The following MED24 variants were observed in gnomAD, a reference collection of about 807,000 sequenced individuals.
MED24 encodes the protein mediator complex subunit 24.
A neutral mutation model predicts 118.8 loss-of-function variants in MED24; 74 were observed. That is an observed-to-expected ratio of 0.62 (90% CI 0.52 to 0.76). MED24 has a LOEUF of 0.76. Ranked by LOEUF, MED24 falls within the 30% of genes least tolerant of loss-of-function variation. The pLI is 0.00. For synonymous variants in MED24, 521 were observed against 523.9 expected (o/e 0.99, Z 0.08); for missense variants, 1,041 against 1,278.9 (o/e 0.81, Z 2.84).
In MED24 at chr17:40,023,264, G is replaced by A. The variant is rs1259544555; in HGVS notation, c.2117C>T (p.Pro706Leu). Reference protein sequence around the residue: ...PYWNLLPPKRPIKEVLTDIFA... With the variant: ...PYWNLLPPKRLIKEVLTDIFA... ...AATGTCCGTCAGCACCTCTTTGATG[G>A]GCCGCTTGGGGGGCAGCAGGTTCCA... Residue 706 changes from proline (P) to leucine (L), a missense_variant, in exon 20 of 26, where the codon CCC becomes CTC. Physicochemically the swap from Pro to Leu is moderately conservative, Grantham distance 98. This residue lies in a region of MED24 where 587 missense variants were observed against 694.4 expected (regional missense o/e 0.85). Transcript: ENST00000394128. 2 of 1,614,056 alleles carry A rather than the reference G, an allele frequency of 1.2e-6. No individual in the cohort carries two copies. The highest frequency in any genetic ancestry group is 2.7e-5 in the African/African-American group (2 of 74,926).
At chr17:40,037,919 A>G (rs1158185327) in intron 3 of MED24, among the ~76,000 whole-genome samples, 1 of 152,072 alleles carries the variant, frequency 6.6e-6, no homozygotes, top group Non-Finnish European at 1.5e-5. Flanking sequence ...TCAAAAAAAA[A>G]AAAAAAGAAA....
rs1983571227 is a variant in MED24 at position 40,033,117 on chromosome 17, A to C, written c.761T>G (p.Met254Arg). 6.2e-7 allele frequency: 1 copy of C among 1,614,134 alleles called. No individual in the cohort carries two copies. The highest frequency in any genetic ancestry group is 8.5e-7 in the Non-Finnish European group (1 of 1,180,032). The change falls in exon 8 of 26, where the codon ATG becomes AGG. Residue 254 changes from methionine (M) to arginine (R), a missense_variant. Coordinates refer to ENST00000394128, the MANE Select transcript of MED24 (RefSeq NM_014815.4). The surrounding 1 kb of genome is among the most constrained non-coding windows in gnomAD (Gnocchi z 5.2). ...VHAVILLEGT[M>R]NLTGETQSLV... ...GGACTGCGTCTCGCCTGTCAGGTTC[A>C]TGGTGCCCTCGAGCAGGATCACGGC...
Position 40,053,629 on chromosome 17 carries a change from C to T in MED24, c.-31G>A. ...CACTCTGAGCAGGTGGCAGCGGTGGCGGCCAGCTTTGAGGTGAAAGAAATG... is the reference window on the plus strand; with the variant it reads ...CACTCTGAGCAGGTGGCAGCGGTGGTGGCCAGCTTTGAGGTGAAAGAAATG... On this transcript the variant is annotated 5_prime_UTR_variant, in exon 2 of 26. Transcript: ENST00000394128. 3.7e-6 allele frequency: 6 copies of T among 1,613,742 alleles called. No homozygotes were observed. The highest frequency in any genetic ancestry group is 1.1e-5 in the South Asian group (1 of 91,078).
Position 40,026,931 on chromosome 17 carries a change from G to C in MED24, c.1634C>G (p.Pro545Arg). 6.2e-7 allele frequency: 1 copy of C among 1,614,202 alleles called. No individual in the cohort carries two copies. The highest frequency in any genetic ancestry group is 1.1e-5 in the South Asian group (1 of 91,090). Reference protein sequence around the residue: ...EEGKILNPDHPCFRPDSTKVE... With the variant: ...EEGKILNPDHRCFRPDSTKVE... ...TTTGGTGGAGTCGGGGCGGAAGCAG[G>C]GGTGGTCAGGGTTCAGGATCTTGCC... is the stretch of plus-strand genomic sequence containing the variant. The change falls in exon 17 of 26, where the codon CCC (proline) becomes CGC (arginine). Residue 545 changes from proline (P) to arginine (R), a missense_variant. Pro to Arg is a moderately radical substitution (Grantham distance 103). Transcript: ENST00000394128.
chr17:40,023,409 G>A lies in MED24; in HGVS notation c.1986-14C>T, dbSNP rs775569702. ...ATGATCACCACCCTGGGGGAGGGCC[G>A]AGAGAACCTGAGGCTCAGGTGCCAC... On this transcript the variant is annotated splice_polypyrimidine_tract_variant and intron_variant, in intron 19 of 25. Coordinates refer to ENST00000394128, the MANE Select transcript of MED24 (RefSeq NM_014815.4). The A allele has an allele frequency of 8.3e-6, 13 of 1,568,916 alleles. No individual in the cohort carries two copies. The highest frequency in any genetic ancestry group is 1.7e-4 in the Middle Eastern group (1 of 5,830).
In MED24 at chr17:40,021,928, C is replaced by A. The variant is rs200611553; in HGVS notation, c.2623+27G>T. 1.1e-3 allele frequency: 1,702 copies of A among 1,487,972 alleles called. 1 individual carries two copies. Among genetic ancestry groups the A allele is most frequent in the Non-Finnish European group, 1.5e-3 (1,636 of 1,095,964 alleles). The allele number at this position is 1,487,972 out of a possible 1,614,324, so 92.2% of individuals were successfully genotyped here. ...GGGAGTGAATTCCCAGGAAAAGGAG[C>A]GGCGCGCGGCCAGCCCACACACTCA... On this transcript the variant is annotated intron_variant, in intron 23 of 25. Transcript: ENST00000394128.
Position 40,032,841 on chromosome 17 carries a change from G to A in MED24, c.823-79C>T. On this transcript the variant is annotated intron_variant, in intron 8 of 25. Coordinates refer to ENST00000394128, the MANE Select transcript of MED24 (RefSeq NM_014815.4). ...TTCTGTGGACTCTGAGGATTTGGCT[G>A]GGTCAGAGACTGCATGGCAGAGTCA... 2.1e-6 allele frequency: 3 copies of A among 1,428,224 alleles called. No homozygotes were observed. The Admixed American group carries it at 5.4e-5, about 25-fold the overall frequency. 88.5% of individuals were successfully genotyped at this position (1,428,224 alleles called of 1,614,324 possible).
intron 3 of MED24, among the ~76,000 whole-genome samples, chr17:40,045,527 G>A (rs1361613250): frequency 2.6e-5 from 4 of 151,564 alleles, no homozygotes; most frequent in East Asian, 1.9e-4. Context: ...CATGGCTCAC[G>A]CCTATAATCC....
chr17:40,029,731 G>A lies in MED24; in HGVS notation c.1266+17C>T. ...AAGAAAGAGAAGACTGTGGTGGCCA[G>A]GGAAGGGCACACTCACCTTGAGGAT... is the stretch of plus-strand genomic sequence containing the variant. On this transcript the variant is annotated intron_variant, in intron 13 of 25. Transcript: ENST00000394128. 5 of 1,608,080 alleles carry A rather than the reference G, an allele frequency of 3.1e-6. No individual in the cohort carries two copies. The highest frequency in any genetic ancestry group is 2.2e-5 in the East Asian group (1 of 44,842).
Position 40,053,789 on chromosome 17 carries a change from C to T in MED24, c.-37-154G>A. On this transcript the variant is annotated intron_variant, in intron 1 of 25. Coordinates refer to ENST00000394128, the MANE Select transcript of MED24 (RefSeq NM_014815.4). ...AAGAGCTAAAGGGATAAAGTAAGATCCTGTCAGACTCTCTCCTCCTGAACC... is the reference window on the plus strand; with the variant it reads ...AAGAGCTAAAGGGATAAAGTAAGATTCTGTCAGACTCTCTCCTCCTGAACC... 3.0e-6 allele frequency: 3 copies of T among 1,000,264 alleles called. No homozygotes were observed. The South Asian group carries it at 4.7e-5, about 16-fold the overall frequency. 62.0% of individuals were successfully genotyped at this position (1,000,264 alleles called of 1,614,324 possible). A position where few individuals can be genotyped will look rare whatever the true frequency, so the allele number is the denominator to read the frequency against.
chr17:40,047,501 A>C (rs986656690), intron 3 of MED24, among the ~76,000 whole-genome samples: 2 of 151,792 alleles, frequency 1.3e-5, no homozygotes, highest in Non-Finnish European at 1.5e-5. Flanking sequence ...CTCTACTAAA[A>C]ATACAAAAAA....
At chr17:40,046,335 C>T (rs1156907318) in intron 3 of MED24, among the ~76,000 whole-genome samples, 2 of 2,000 alleles carry the variant, frequency 1.0e-3, no homozygotes, top group Non-Finnish European at 1.6e-3. Flanking sequence ...CCGCCCGCCT[C>T]GGCCTCCCAA....
chr17:40,046,351 C>G, intron 3 of MED24, among the ~76,000 whole-genome samples: 1 of 146 alleles, frequency 6.8e-3, no homozygotes, highest in African/African-American at 0.028. Flanking sequence ...CCCAAAGTTC[C>G]TGGGATTACA....
In MED24 at chr17:40,033,595, G is replaced by A; in HGVS notation, c.560-139C>T. 1.4e-6 allele frequency: 1 copy of A among 735,968 alleles called. No homozygotes were observed. The highest frequency in any genetic ancestry group is 2.4e-6 in the Non-Finnish European group (1 of 416,038). 45.6% of individuals were successfully genotyped at this position (735,968 alleles called of 1,614,324 possible). A position where few individuals can be genotyped will look rare whatever the true frequency, so the allele number is the denominator to read the frequency against. ...GCTTCCCCTGAGGACAACAGGGAGG[G>A]AGGGGCCTGAGGGCAGCATGCACTG... On this transcript the variant is annotated intron_variant, in intron 6 of 25. Coordinates refer to ENST00000394128, the MANE Select transcript of MED24 (RefSeq NM_014815.4). The surrounding 1 kb of genome is among the most constrained non-coding windows in gnomAD (Gnocchi z 5.2).
chr17:40,034,933 C>T (rs762057872), intron 6 of MED24, 184 bp downstream of exon 6: 7 of 1,546,530 alleles, frequency 4.5e-6, no homozygotes, highest in Admixed American at 2.0e-5. Context: ...TTGATTGGCT[C>T]GGGTGCCACC....
chr17:40,027,062 C>A, intron 16 of MED24, 28 bp from the exon 17 acceptor site: 1 of 1,611,648 alleles, frequency 6.2e-7, no homozygotes, highest in Non-Finnish European at 8.5e-7. Context: ...GGGCACCAGC[C>A]GAGTGGGGAG....
chr17:40,025,662 G>A (rs888372258), intron 19 of MED24, among the ~76,000 whole-genome samples: 2 of 152,194 alleles, frequency 1.3e-5, no homozygotes, highest in Non-Finnish European at 2.9e-5. Flanking sequence ...ACATGGCTAA[G>A]ATGGCAAATC....
Position 40,033,616 on chromosome 17 carries a change from C to T in MED24, c.560-160G>A. ...GAGGGAGGGGCCTGAGGGCAGCATGCACTGTTTCCAGAAGGGGGGTGGGCA... is the reference window on the plus strand; with the variant it reads ...GAGGGAGGGGCCTGAGGGCAGCATGTACTGTTTCCAGAAGGGGGGTGGGCA... On this transcript the variant is annotated intron_variant, in intron 6 of 25. Transcript: ENST00000394128. This position sits in a 1 kb window ranked among gnomAD's most constrained non-coding sequence, Gnocchi z 5.2. 1.4e-6 allele frequency: 1 copy of T among 713,766 alleles called. No homozygotes were observed. Among genetic ancestry groups the T allele is most frequent in the Non-Finnish European group, 2.5e-6 (1 of 396,810 alleles). The allele number at this position is 713,766 out of a possible 1,614,324, so 44.2% of individuals were successfully genotyped here.
chr17:40,042,979 TCTCA>T (rs1361974735), intron 3 of MED24, among the ~76,000 whole-genome samples: 1 of 152,250 alleles, frequency 6.6e-6, no homozygotes, highest in East Asian at 1.9e-4. Flanking sequence ...TGAGATAGGA[TCTCA>T]CTCTGTCACA....
Sources: allele counts gnomAD v4.1 joint callset (sites outside exome capture counted in the v4.1 genomes callset), GRCh38; gene constraint gnomAD v4.1.1; regional missense constraint gnomAD v4.1.1; non-coding constraint Gnocchi (gnomAD v3.1); transcripts MANE v1.5; gene names NCBI Gene and HGNC (gene_info 2026-07-23, HGNC 2026-07-21).